Variants in CDK17 observed in about 807,000 individuals in gnomAD.
CDK17 encodes the protein cyclin dependent kinase 17.
Under a neutral mutation model 77.6 loss-of-function variants are expected in CDK17, and 24 were observed. The observed-to-expected ratio is 0.31, with a 90% CI of 0.22 to 0.44. The LOEUF (loss-of-function observed/expected upper bound fraction) is 0.44, where lower values mean the gene tolerates loss of function less well. CDK17 is among the 20% of genes least tolerant of loss of function. The probability of loss-of-function intolerance (pLI) is 1.00; values close to 1 mark genes in which losing one functional copy is unlikely to be tolerated. For missense variants in CDK17, 429 were observed against 622.5 expected, an observed-to-expected ratio of 0.69 and a Z score of 3.31; for synonymous variants, 203 against 210.4, an observed-to-expected ratio of 0.96 and a Z score of 0.30.
intron 1 of CDK17, among the ~76,000 whole-genome samples, chr12:96,363,646 G>A (rs1440750307): frequency 6.6e-6 from 1 of 151,996 alleles, no homozygotes; most frequent in Non-Finnish European, 1.5e-5. Flanking sequence ...AGGAGATCAA[G>A]ACCATCCTAG....
intron 1 of CDK17, among the ~76,000 whole-genome samples, chr12:96,376,926 A>G (rs1167581876): frequency 6.6e-6 from 1 of 152,222 alleles, no homozygotes; most frequent in African/African-American, 2.4e-5. Context: ...ACTACAAAAT[A>G]TACAATTTAA....
At chr12:96,285,331 G>C (rs1952232700) in intron 13 of CDK17, among the ~76,000 whole-genome samples, 1 of 151,950 alleles carries the variant, frequency 6.6e-6, no homozygotes. Flanking sequence ...TCCTTCCTTA[G>C]CTTGAAAATA....
chr12:96,310,347 A>G (rs547122717), intron 5 of CDK17, among the ~76,000 whole-genome samples: 43 of 152,232 alleles, frequency 2.8e-4, no homozygotes, highest in African/African-American at 1.0e-3. Flanking sequence ...ATATAATTAC[A>G]TATTCATAAT....
chr12:96,294,998 C>A lies in CDK17; in HGVS notation c.997+1G>T. ...TAATAAATATCTCATACATTCCATA[C>A]CAAAATCTGCTAGCTTTAATTCTCC... is the stretch of plus-strand genomic sequence containing the variant. On this transcript the variant is annotated splice_donor_variant, in intron 10 of 16. Transcript: ENST00000261211. LOFTEE classifies it high-confidence loss of function. The A allele has an allele frequency of 6.2e-7, 1 of 1,608,166 alleles. No individual in the cohort carries two copies. Among genetic ancestry groups the A allele is most frequent in the Non-Finnish European group, 8.5e-7 (1 of 1,177,586 alleles).
intron 2 of CDK17, among the ~76,000 whole-genome samples, chr12:96,330,777 C>T (rs1228301844): frequency 2.0e-5 from 3 of 152,072 alleles, no homozygotes; most frequent in Non-Finnish European, 4.4e-5. Context: ...TTGTTTACAC[C>T]TTAGCTGTTG....
At chr12:96,348,022 C>T (rs1427021216) in intron 1 of CDK17, among the ~76,000 whole-genome samples, 4 of 151,952 alleles carry the variant, frequency 2.6e-5, no homozygotes, top group Non-Finnish European at 5.9e-5. Flanking sequence ...ACACAACATA[C>T]ATAAGCATAT....
chr12:96,386,157 AATT>A (rs1244350185), intron 1 of CDK17, among the ~76,000 whole-genome samples: 20 of 152,154 alleles, frequency 1.3e-4, no homozygotes, highest in Non-Finnish European at 2.8e-4. Context: ...ACAGCTGGCC[AATT>A]TTTTAAAACA....
chr12:96,319,276 A>G (rs1422266702), intron 3 of CDK17, among the ~76,000 whole-genome samples: 5,825 of 147,214 alleles, frequency 0.04, 364 homozygotes, highest in African/African-American at 0.14. Context: ...GAATAGACCA[A>G]TAACAGGAGC....
At chr12:96,348,362 T>G (rs1466490034) in intron 1 of CDK17, among the ~76,000 whole-genome samples, 1 of 151,218 alleles carries the variant, frequency 6.6e-6, no homozygotes. Context: ...CCATCTCTAC[T>G]AAAATACAAA....
chr12:96,360,484 T>A (rs1953475452), intron 1 of CDK17, among the ~76,000 whole-genome samples: 1 of 152,194 alleles, frequency 6.6e-6, no homozygotes, highest in Non-Finnish European at 1.5e-5. Flanking sequence ...GATACCAGGT[T>A]AAGATTTGGT....
intron 1 of CDK17, among the ~76,000 whole-genome samples, chr12:96,352,157 A>C (rs1030941289): frequency 6.6e-6 from 1 of 152,144 alleles, no homozygotes; most frequent in African/African-American, 2.4e-5. Flanking sequence ...CAGAAATCTC[A>C]TTCACAAAGC....
intron 9 of CDK17, among the ~76,000 whole-genome samples, chr12:96,296,515 T>C (rs1021305003): frequency 2.0e-5 from 3 of 152,214 alleles, no homozygotes; most frequent in African/African-American, 7.2e-5. Flanking sequence ...TTAAAATTAC[T>C]ACCTACAGAA....
At chr12:96,312,433 AG>A (rs1952656387) in intron 4 of CDK17, among the ~76,000 whole-genome samples, 1 of 152,218 alleles carries the variant, frequency 6.6e-6, no homozygotes, top group Admixed American at 6.5e-5. Flanking sequence ...ATCATCTATA[AG>A]GTGAAGAAAA....
chr12:96,348,523 C>CAAAAAAAAAAAAAAAAAACAA (rs1953262554), intron 1 of CDK17, among the ~76,000 whole-genome samples: 9 of 66,370 alleles, frequency 1.4e-4, no homozygotes, highest in Non-Finnish European at 1.6e-4. Flanking sequence ...GACTCTGTCT[C>CAAAAAAAAAAAAAAAAAACAA]AAAAAAAAAA....
At position 96,400,037 on chromosome 12, in the gene CDK17, G is replaced by T; in HGVS notation, c.-81C>A. The T allele has an allele frequency of 2.6e-6, 1 of 386,574 alleles. No individual in the cohort carries two copies. The highest frequency in any genetic ancestry group is 4.6e-6 in the Non-Finnish European group (1 of 218,676). The allele number at this position is 386,574 out of a possible 1,614,324, so 23.9% of individuals were successfully genotyped here. ...GAGGCGAGGCGAAGAGAGGCGCGGG[G>T]GGAAGCTGCTCCGCGGACGCCCGCG... On this transcript the variant is annotated 5_prime_UTR_variant, in exon 1 of 17. Coordinates refer to ENST00000261211, the MANE Select transcript of CDK17 (RefSeq NM_002595.5).
chr12:96,291,126 A>C lies in CDK17; in HGVS notation c.998-1839T>G, dbSNP rs972202080. Among the ~76,000 whole-genome samples, 32 of 148,500 alleles carry C rather than the reference A, an allele frequency of 2.2e-4. No individual in the cohort carries two copies. The South Asian group carries it at 6.3e-3, about 29-fold the overall frequency. On this transcript the variant is annotated intron_variant, in intron 10 of 16. Coordinates refer to ENST00000261211, the MANE Select transcript of CDK17 (RefSeq NM_002595.5). ...AAGTCATATTTACTATGCAACCAAA[A>C]AAAAAAAAAAAAAGGAAGAAATAGA...
intron 1 of CDK17, among the ~76,000 whole-genome samples, chr12:96,394,715 G>A (rs1954137990): frequency 6.6e-6 from 1 of 150,594 alleles, no homozygotes; most frequent in Non-Finnish European, 1.5e-5. Context: ...CTACTCCGGA[G>A]GCTGAGGCAC....
chr12:96,347,944 A>G (rs1249201713), intron 1 of CDK17, among the ~76,000 whole-genome samples: 2 of 152,210 alleles, frequency 1.3e-5, no homozygotes, highest in Non-Finnish European at 2.9e-5. Flanking sequence ...ATATTCTCAA[A>G]CAAGCAACTG....
rs1952724915 is a variant in CDK17 at position 96,316,634 on chromosome 12, G to GTGGGTCCC, written c.284-3188_284-3181dup. Among the ~76,000 whole-genome samples the GTGGGTCCC allele has an allele frequency of 2.3e-5, 3 of 132,462 alleles. 1 individual carries two copies. The South Asian group carries it at 7.0e-4, about 31-fold the overall frequency. 86.9% of individuals were successfully genotyped at this position (132,462 alleles called of 152,430 possible). ...GAGAACGGGCAGACTGCCTCCTCAA[G>GTGGGTCCC]TGGGTCCCTGACCCCCTGACCCCCG... On this transcript the variant is annotated intron_variant, in intron 3 of 16. Transcript: ENST00000261211.
Sources: gnomAD v4.1 joint callset for allele counts (sites outside exome capture counted in the v4.1 genomes callset) on GRCh38, gnomAD v4.1.1 for gene constraint, MANE v1.5 for transcripts, NCBI Gene and HGNC (gene_info 2026-07-23, HGNC 2026-07-21) for gene names.